The following UNKL variants were observed in gnomAD, a reference collection of about 807,000 sequenced individuals.
UNKL encodes putative E3 ubiquitin-protein ligase UNKL.
UNKL carries 60 observed loss-of-function variants against 78.0 expected under a neutral mutation model. The observed-to-expected ratio is 0.77, with a 90% CI of 0.63 to 0.95. The LOEUF (loss-of-function observed/expected upper bound fraction) is 0.95, where lower values mean the gene tolerates loss of function less well. UNKL is among the 40% of genes least tolerant of loss of function. UNKL has a pLI of 0.00. For synonymous variants in UNKL, 608 were observed against 474.8 expected (o/e 1.28, Z -3.65); for missense variants, 1,159 against 1,045.7 (o/e 1.11, Z -1.49).
chr16:1,384,745 C>T (rs1482962040), intron 10 of UNKL, among the ~76,000 whole-genome samples: 1 of 152,134 alleles, frequency 6.6e-6, no homozygotes, highest in Non-Finnish European at 1.5e-5. Context: ...ACCACAGGTG[C>T]GCACCACCAT....
At chr16:1,394,086 C>T (rs1317396551) in intron 7 of UNKL, 45 bp downstream of exon 7, 47 of 1,535,934 alleles carry the variant, frequency 3.1e-5, no homozygotes, top group Non-Finnish European at 4.0e-5. Context: ...CCTGCAGAGC[C>T]GCGGAACCTG....
At chr16:1,371,439 G>C in intron 11 of UNKL, 80 bp downstream of exon 11, 2 of 1,411,694 alleles carry the variant, frequency 1.4e-6, no homozygotes, top group Non-Finnish European at 1.9e-6. Flanking sequence ...GACCTCCCCG[G>C]GCTCAAGCGA....
At chr16:1,374,547 G>A (rs975079712) in intron 10 of UNKL, among the ~76,000 whole-genome samples, 1 of 152,180 alleles carries the variant, frequency 6.6e-6, no homozygotes, top group Non-Finnish European at 1.5e-5. Context: ...TCCACAGCCT[G>A]GCCAGCCCCT....
At position 1,414,004 on chromosome 16, in the gene UNKL, C is replaced by G. The variant is rs1345175613; in HGVS notation, c.129G>C (p.Lys43Asn). 2 of 1,551,698 alleles carry G rather than the reference C, an allele frequency of 1.3e-6. No individual in the cohort carries two copies. The highest frequency in any genetic ancestry group is 1.7e-6 in the Non-Finnish European group (2 of 1,147,400). The change falls in exon 2 of 15, where the codon AAG becomes AAC. Residue 43 changes from lysine to asparagine, a missense_variant. Physicochemically the swap from Lys to Asn is moderately conservative, Grantham distance 94 (BLOSUM62 0). Coordinates refer to ENST00000389221, the MANE Select transcript of UNKL (RefSeq NM_001372107.1). The stretch of plus-strand genomic sequence containing the variant: ...AGGTGAACGGCCGGTGCTGCGCGCA[C>G]TTGTGCTGTGAAAACAGGGGGCACT... ...TEQCPLFSQH[K>N]CAQHRPFTCF...
At chr16:1,394,300 G>A (rs1359014747) in intron 6 of UNKL, 85 bp from the exon 7 acceptor site, 6 of 1,459,008 alleles carry the variant, frequency 4.1e-6, no homozygotes, top group Admixed American at 2.0e-5. Flanking sequence ...CAAGGGAGAG[G>A]ATTAAGCTCC....
intron 2 of UNKL, among the ~76,000 whole-genome samples, chr16:1,406,712 G>A (rs1020027403): frequency 1.3e-5 from 2 of 152,160 alleles, no homozygotes; most frequent in African/African-American, 4.8e-5. Flanking sequence ...CAAAGCCCAA[G>A]CTCATCATGA....
At chr16:1,368,063 GCCCC>G in intron 12 of UNKL, 2 of 543,080 alleles carry the variant, frequency 3.7e-6, no homozygotes, top group South Asian at 2.6e-5. Context: ...AGTGACACCT[GCCCC>G]GGCCGGTCTC....
At chr16:1,388,688 G>C (rs1015816818) in intron 9 of UNKL, among the ~76,000 whole-genome samples, 13 of 152,060 alleles carry the variant, frequency 8.5e-5, no homozygotes, top group Non-Finnish European at 1.8e-4. Flanking sequence ...ACAGTGAGAG[G>C]GGTCAGACGA....
rs562780634 is a variant in UNKL at position 1,364,372 on chromosome 16, C to T, written c.*1868G>A. 70 of 152,346 alleles carry T rather than the reference C, an allele frequency of 4.6e-4. No individual in the cohort carries two copies. The highest frequency in any genetic ancestry group is 1.6e-3 in the African/African-American group (66 of 41,582). The allele number at this position is 152,346 out of a possible 1,614,324, so 9.4% of individuals were successfully genotyped here. On this transcript the variant is annotated 3_prime_UTR_variant, in exon 15 of 15. Transcript: ENST00000389221. ...CTGATGATAAAGATTTTTACCTAGA[C>T]GTTTTGCACTTAAAAAATGCTATTA...
chr16:1,396,656 C>T (rs1442610777), intron 6 of UNKL, among the ~76,000 whole-genome samples: 2 of 152,118 alleles, frequency 1.3e-5, no homozygotes, highest in East Asian at 3.9e-4. Context: ...TGCAGTGGCA[C>T]GATCTCAGCT....
intron 13 of UNKL, 35 bp downstream of exon 13, chr16:1,367,593 GCTCACCTGAGTCCCCTGCGGCCCTCCCT>G: frequency 2.9e-6 from 1 of 340,482 alleles, no homozygotes; most frequent in Non-Finnish European, 5.1e-6. Flanking sequence ...ACCCCCACAC[GCTCACCTGAGTCCCCTGCGGCCCTCCCT>G]CCCCCTCACC....
chr16:1,395,826 T>C (rs142533737), intron 6 of UNKL: 1 of 446,798 alleles, frequency 2.2e-6, no homozygotes, highest in African/African-American at 2.0e-5. Flanking sequence ...GTGACACCAT[T>C]GAGTGTGTGG....
chr16:1,370,627 C>T (rs188768471), intron 11 of UNKL, among the ~76,000 whole-genome samples: 49 of 152,206 alleles, frequency 3.2e-4, no homozygotes, highest in Non-Finnish European at 5.4e-4. Context: ...TGGGCCCCCC[C>T]CAAAGAGGCC....
rs537057805 is a variant in UNKL, at chr16:1,406,892, C to A, written c.288-3548G>T. Among the ~76,000 whole-genome samples the A allele has an allele frequency of 1.5e-4, 23 of 149,942 alleles. No individual in the cohort carries two copies. In the South Asian group the frequency reaches 4.9e-3, roughly 32 times the overall value. On this transcript the variant is annotated intron_variant, in intron 2 of 14. Coordinates refer to ENST00000389221, the MANE Select transcript of UNKL (RefSeq NM_001372107.1). ...GTGGCTCACGCCTGTCATTCCAGAA[C>A]TTTGGGAGGCTGAGGCAGGTGGACC... is the stretch of plus-strand genomic sequence containing the variant.
chr16:1,402,526 G>A (rs1478336768), intron 3 of UNKL, among the ~76,000 whole-genome samples: 1 of 152,142 alleles, frequency 6.6e-6, no homozygotes, highest in African/African-American at 2.4e-5. Context: ...ACCCAGGCAT[G>A]GTGGTGTGCG....
chr16:1,398,681 A>AGCCCCCCACCCCCCCCCC, intron 5 of UNKL: 1 of 694,534 alleles, frequency 1.4e-6, no homozygotes, highest in Non-Finnish European at 1.9e-6. Flanking sequence ...TGGGGTCTGC[A>AGCCCCCCACCCCCCCCCC]CCCCCCCACC....
intron 10 of UNKL, among the ~76,000 whole-genome samples, chr16:1,384,456 T>C (rs888903500): frequency 1.3e-5 from 2 of 152,022 alleles, no homozygotes; most frequent in Non-Finnish European, 2.9e-5. Context: ...CGTGTCTCAG[T>C]GCCCAGTGAC....
chr16:1,395,886 G>T, intron 6 of UNKL: 2 of 406,790 alleles, frequency 4.9e-6, no homozygotes, highest in South Asian at 3.4e-5. Context: ...CATGAGTCAA[G>T]AAACGACGGG....
Position 1,365,950 on chromosome 16 carries a change from C to T in UNKL, c.*290G>A, listed in dbSNP as rs934121808. ...CACAGCGCCGCGTGGATCCCGGAGGCACCAGGCCCCTCAGGGACAGGCAGG... is the reference window on the plus strand; with the variant it reads ...CACAGCGCCGCGTGGATCCCGGAGGTACCAGGCCCCTCAGGGACAGGCAGG... On this transcript the variant is annotated 3_prime_UTR_variant, in exon 15 of 15. Coordinates refer to ENST00000389221, the MANE Select transcript of UNKL (RefSeq NM_001372107.1). The T allele has an allele frequency of 3.3e-6, 1 of 304,012 alleles. No individual in the cohort carries two copies. The highest frequency in any genetic ancestry group is 6.1e-6 in the Non-Finnish European group (1 of 163,748). 18.8% of individuals were successfully genotyped at this position (304,012 alleles called of 1,614,324 possible). A position where few individuals can be genotyped will look rare whatever the true frequency, so the allele number is the denominator to read the frequency against.
Sources: allele counts gnomAD v4.1 joint callset (sites outside exome capture counted in the v4.1 genomes callset), GRCh38; gene constraint gnomAD v4.1.1; transcripts MANE v1.5; gene names NCBI Gene and HGNC (gene_info 2026-07-23, HGNC 2026-07-21).